Variants in FMN1 observed in about 807,000 individuals in gnomAD.
FMN1 encodes formin 1.
A neutral mutation model predicts 132.4 loss-of-function variants in FMN1; 110 were observed. The ratio of observed to expected loss-of-function variants is 0.83; its 90% CI spans 0.71 to 0.97. The LOEUF (loss-of-function observed/expected upper bound fraction) is 0.97. Ranked by LOEUF, FMN1 falls within the 50% of genes least tolerant of loss-of-function variation. The pLI is 0.00. For synonymous variants in FMN1, 722 were observed against 651.7 expected (o/e 1.11, Z -1.64); for missense variants, 1,792 against 1,705.3 (o/e 1.05, Z -0.90).
In FMN1 at chr15:33,154,242, C is replaced by A; in HGVS notation, c.673G>T (p.Ala225Ser). The A allele has an allele frequency of 6.5e-7, 1 of 1,536,220 alleles. No homozygotes were observed. The highest frequency in any genetic ancestry group is 1.2e-5 in the South Asian group (1 of 84,058). The change falls in exon 4 of 21, where the codon GCA becomes TCA. Residue 225 changes from alanine (A) to serine (S), a missense_variant. Ala to Ser is a moderately conservative substitution (Grantham distance 99, BLOSUM62 1). Around this residue, in one of 3 missense-constraint regions of FMN1, gnomAD observed 638 missense variants for 645.2 expected, o/e 0.99. Coordinates refer to ENST00000616417, the MANE Select transcript of FMN1 (RefSeq NM_001277313.2). ...CTCCTCTGCAGGGAGCAGGCAAGTG[C>A]CCCATTCGGGAGCAGATTTCCTTTC... ...EEKGNLLPNG[A>S]LACSLQRRES...
chr15:32,855,043 A>T (rs1301275305), intron 17 of FMN1, among the ~76,000 whole-genome samples: 2 of 151,930 alleles, frequency 1.3e-5, no homozygotes, highest in Admixed American at 1.3e-4. Context: ...TTGGTCTCTA[A>T]CATAGAGCCT....
chr15:33,186,592 ATTCTATC>A (rs368067289), intron 2 of FMN1, among the ~76,000 whole-genome samples: 4 of 152,346 alleles, frequency 2.6e-5, no homozygotes, highest in African/African-American at 9.6e-5. Flanking sequence ...AAATAGCCAG[ATTCTATC>A]TTACTATCTC....
chr15:32,823,260 C>T (rs1449471266), intron 17 of FMN1, among the ~76,000 whole-genome samples: 1 of 144,002 alleles, frequency 6.9e-6, no homozygotes, highest in Non-Finnish European at 1.5e-5. Context: ...CTCCTGGGTT[C>T]ACACCATTCT....
intron 7 of FMN1, among the ~76,000 whole-genome samples, chr15:32,979,845 A>G (rs1389614294): frequency 6.6e-6 from 1 of 152,170 alleles, no homozygotes; most frequent in Non-Finnish European, 1.5e-5. Context: ...TCCAAGCCCA[A>G]CCATGCATAA....
At chr15:32,900,263 A>C in intron 13 of FMN1, 138 bp from the exon 14 acceptor site, 1 of 877,266 alleles carries the variant, frequency 1.1e-6, no homozygotes, top group Non-Finnish European at 1.8e-6. Context: ...CTGAAATGAA[A>C]AACACACTTT....
At position 33,003,525 on chromosome 15, in the gene FMN1, C is replaced by T. The variant is rs1461949998; in HGVS notation, c.2223+4489G>A. Reference sequence around the variant, plus strand: ...GACCTCTTCAAGGAGAACTACAAACCACTGCTCAATGAAATAAAAGAGGAT... The same window carrying T: ...GACCTCTTCAAGGAGAACTACAAACTACTGCTCAATGAAATAAAAGAGGAT... On this transcript the variant is annotated intron_variant, in intron 7 of 20. Transcript: ENST00000616417. Among the ~76,000 whole-genome samples the T allele has an allele frequency of 6.6e-4, 101 of 152,252 alleles. 1 individual carries two copies. Among genetic ancestry groups the T allele is most frequent in the Non-Finnish European group, 2.9e-5 (2 of 68,030 alleles).
At chr15:32,958,624 A>T (rs187737483) in intron 9 of FMN1, among the ~76,000 whole-genome samples, 5 of 152,348 alleles carry the variant, frequency 3.3e-5, no homozygotes, top group Non-Finnish European at 5.9e-5. Flanking sequence ...TGAAATTTAA[A>T]TACTATTTTA....
At chr15:32,879,142 C>T (rs2059703919) in intron 16 of FMN1, among the ~76,000 whole-genome samples, 1 of 152,242 alleles carries the variant, frequency 6.6e-6, no homozygotes, top group African/African-American at 2.4e-5. Context: ...CCATGCCGAT[C>T]CACATTTTAC....
intron 16 of FMN1, among the ~76,000 whole-genome samples, chr15:32,858,768 A>AT (rs939247219): frequency 2.6e-5 from 4 of 152,234 alleles, no homozygotes; most frequent in East Asian, 3.9e-4. Flanking sequence ...TAAAACATTC[A>AT]TTTTTTCCAC....
chr15:32,800,963 C>G lies in FMN1; in HGVS notation c.3981-2010G>C, dbSNP rs1478000285. Reference sequence around the variant, plus strand: ...ACAGATACATATTTATTTGAGCATTCATGGGGAAGGGAAAGTCTTTCATTT... The same window carrying G: ...ACAGATACATATTTATTTGAGCATTGATGGGGAAGGGAAAGTCTTTCATTT... On this transcript the variant is annotated intron_variant, in intron 18 of 20. Coordinates refer to ENST00000616417, the MANE Select transcript of FMN1 (RefSeq NM_001277313.2). 2.0e-5 allele frequency among the ~76,000 whole-genome samples: 3 copies of G among 152,116 alleles called. No homozygotes were observed. In the East Asian group the frequency reaches 5.8e-4, roughly 29 times the overall value.
At chr15:32,924,944 C>A (rs186297281) in intron 10 of FMN1, among the ~76,000 whole-genome samples, 71 of 152,146 alleles carry the variant, frequency 4.7e-4, no homozygotes, top group South Asian at 1.0e-3. Context: ...ACCAAAAAAA[C>A]CCCCAAAGAT....
At chr15:32,986,969 A>C (rs2033109021) in intron 7 of FMN1, among the ~76,000 whole-genome samples, 2 of 152,174 alleles carry the variant, frequency 1.3e-5, no homozygotes, top group Non-Finnish European at 2.9e-5. Context: ...TAATTTATGA[A>C]ATATTTTCAA....
chr15:32,910,583 C>G, intron 10 of FMN1, 48 bp from the exon 11 acceptor site: 1 of 1,373,744 alleles, frequency 7.3e-7, no homozygotes, highest in Non-Finnish European at 1.0e-6. Flanking sequence ...TGATTAGGTC[C>G]CCTGCACCAA....
chr15:33,064,783 C>T (rs1322571781), intron 6 of FMN1, 174 bp downstream of exon 6: 3 of 455,790 alleles, frequency 6.6e-6, no homozygotes, highest in African/African-American at 2.0e-5. Flanking sequence ...TTCAGAGGCT[C>T]GTTAACAATA....
intron 5 of FMN1, among the ~76,000 whole-genome samples, chr15:33,087,402 T>A (rs951060906): frequency 6.6e-5 from 10 of 152,004 alleles, no homozygotes; most frequent in Admixed American, 4.6e-4. Context: ...AAAAATTAGC[T>A]GGGTGTGGTA....
intron 15 of FMN1, among the ~76,000 whole-genome samples, chr15:32,898,482 TTTTGC>T: frequency 6.6e-6 from 1 of 152,172 alleles, no homozygotes; most frequent in East Asian, 1.9e-4. Context: ...CTTTCCTAAA[TTTTGC>T]TTTGCATCAT....
At chr15:33,006,503 G>C (rs1252097662) in intron 7 of FMN1, among the ~76,000 whole-genome samples, 4 of 152,030 alleles carry the variant, frequency 2.6e-5, no homozygotes, top group Admixed American at 6.6e-5. Flanking sequence ...ATTAAAACTA[G>C]AATTACCATA....
At chr15:33,065,216 C>T (rs181068935) in intron 5 of FMN1, 142 bp from the exon 6 acceptor site, 13 of 526,792 alleles carry the variant, frequency 2.5e-5, no homozygotes, top group Admixed American at 2.3e-4. Context: ...TCAGATATCT[C>T]ACTATAGTGT....
intron 17 of FMN1, among the ~76,000 whole-genome samples, chr15:32,832,588 G>C (rs149757505): frequency 1.5e-3 from 231 of 152,182 alleles, no homozygotes; most frequent in African/African-American, 5.4e-3. Flanking sequence ...GATCATCTTG[G>C]CCAACATGGT....
Sources: gnomAD v4.1 joint callset for allele counts (sites outside exome capture counted in the v4.1 genomes callset) on GRCh38, gnomAD v4.1.1 for gene constraint, gnomAD v4.1.1 regional missense constraint, MANE v1.5 for transcripts, NCBI Gene and HGNC (gene_info 2026-07-23, HGNC 2026-07-21) for gene names.